Variants in VAT1L observed in about 807,000 individuals in gnomAD.
The protein encoded by VAT1L is putative NADPH-dependent quinone oxidoreductase VAT1L.
In VAT1L, 34 loss-of-function variants were observed where a neutral mutation model predicts 44.1. That is an observed-to-expected ratio of 0.77 (90% CI 0.59 to 1.03). VAT1L has a LOEUF of 1.03. Ranked by LOEUF, VAT1L falls within the 50% of genes least tolerant of loss-of-function variation. VAT1L has a pLI of 0.00. For synonymous variants in VAT1L, 253 were observed against 202.2 expected (o/e 1.25, Z -2.13); for missense variants, 615 against 538.8 (o/e 1.14, Z -1.40).
At chr16:77,917,489 T>A (rs894797750) in intron 7 of VAT1L, among the ~76,000 whole-genome samples, 1 of 152,248 alleles carries the variant, frequency 6.6e-6, no homozygotes, top group Non-Finnish European at 1.5e-5. Flanking sequence ...TCAGTCCCAA[T>A]GATTCCTGTT....
intron 7 of VAT1L, among the ~76,000 whole-genome samples, chr16:77,952,308 C>T (rs1324687752): frequency 1.3e-5 from 2 of 152,160 alleles, no homozygotes; most frequent in Middle Eastern, 3.2e-3. Flanking sequence ...ACCCAAATTT[C>T]ATGGTGAAAT....
At position 77,951,667 on chromosome 16, in the gene VAT1L, G is replaced by A. The variant is rs376418794; in HGVS notation, c.1078-20183G>A. On this transcript the variant is annotated intron_variant, in intron 7 of 8. Transcript: ENST00000302536. ...TGAAATTAAGGAAATTTAAGGAAGC[G>A]ATTACTCTAAAAGTCAGGACTGAGC... 1.9e-4 allele frequency among the ~76,000 whole-genome samples: 29 copies of A among 152,176 alleles called. No homozygotes were observed. The East Asian group carries it at 2.9e-3, about 15-fold the overall frequency.
intron 1 of VAT1L, among the ~76,000 whole-genome samples, chr16:77,809,728 T>C (rs1312904800): frequency 6.6e-6 from 1 of 152,246 alleles, no homozygotes; most frequent in African/African-American, 2.4e-5. Flanking sequence ...AGAGGGTTCA[T>C]AGTCTTTATC....
chr16:77,943,392 T>A (rs188600345), intron 7 of VAT1L, among the ~76,000 whole-genome samples: 3 of 147,826 alleles, frequency 2.0e-5, no homozygotes, highest in Non-Finnish European at 4.5e-5. Context: ...TTTTTTTTTT[T>A]TTTTTGAGAC....
chr16:77,846,836 G>T (rs1014070054), intron 3 of VAT1L, among the ~76,000 whole-genome samples: 2 of 151,946 alleles, frequency 1.3e-5, no homozygotes, highest in Non-Finnish European at 2.9e-5. Flanking sequence ...GATAATCAGG[G>T]TATATAGTGG....
intron 7 of VAT1L, among the ~76,000 whole-genome samples, chr16:77,964,599 C>G (rs1193329664): frequency 6.6e-6 from 1 of 152,042 alleles, no homozygotes; most frequent in East Asian, 1.9e-4. Flanking sequence ...CTACAAAGTC[C>G]CTTTGCCATG....
chr16:77,937,491 A>C (rs12928323), intron 7 of VAT1L, among the ~76,000 whole-genome samples: 94,277 of 152,050 alleles, frequency 0.62, 29,347 homozygotes, highest in Non-Finnish European at 0.66. Context: ...ACTTTCCCCC[A>C]CTACCTCCCT....
At chr16:77,902,939 C>G (rs1282342586) in intron 7 of VAT1L, among the ~76,000 whole-genome samples, 1 of 146,056 alleles carries the variant, frequency 6.8e-6, no homozygotes, top group African/African-American at 2.5e-5. Context: ...AGCCACTGCA[C>G]TCCGGCCTGG....
Position 77,884,930 on chromosome 16 carries a change from A to G in VAT1L, c.1077+128A>G. 3 of 986,540 alleles carry G rather than the reference A, an allele frequency of 3.0e-6. No individual in the cohort carries two copies. In the South Asian group the frequency reaches 6.0e-5, roughly 20 times the overall value. The allele number at this position is 986,540 out of a possible 1,614,324, so 61.1% of individuals were successfully genotyped here. A position where few individuals can be genotyped will look rare whatever the true frequency, so the allele number is the denominator to read the frequency against. The stretch of plus-strand genomic sequence containing the variant: ...GGGTTTGTTTTAAATGAGGGTCCTA[A>G]AAGTCACCTGTACCACAGAATAGTA... On this transcript the variant is annotated intron_variant, in intron 7 of 8. Transcript: ENST00000302536. The surrounding 1 kb of genome is among the most constrained non-coding windows in gnomAD (Gnocchi z 4.5).
At chr16:77,870,807 G>A (rs1189868177) in intron 4 of VAT1L, among the ~76,000 whole-genome samples, 2 of 152,142 alleles carry the variant, frequency 1.3e-5, no homozygotes, top group South Asian at 2.1e-4. Flanking sequence ...CCCAGAAACC[G>A]GAGTCAGGGG....
intron 1 of VAT1L, among the ~76,000 whole-genome samples, chr16:77,806,741 C>T (rs903623165): frequency 6.6e-6 from 1 of 151,896 alleles, no homozygotes; most frequent in African/African-American, 2.4e-5. Context: ...GATATGATAA[C>T]ATATCATAAA....
At chr16:77,835,854 C>T (rs768750445) in intron 3 of VAT1L, among the ~76,000 whole-genome samples, 6 of 150,838 alleles carry the variant, frequency 4.0e-5, no homozygotes, top group Non-Finnish European at 8.8e-5. Flanking sequence ...GCCTGGGCAA[C>T]AAGAGCAAAA....
intron 7 of VAT1L, among the ~76,000 whole-genome samples, chr16:77,966,263 T>C (rs1454763351): frequency 1.3e-5 from 2 of 152,224 alleles, no homozygotes; most frequent in African/African-American, 4.8e-5. Flanking sequence ...GAGGCTGATG[T>C]GTAACTTACA....
rs146347669 is a variant in VAT1L at position 77,912,045 on chromosome 16, A to G, written c.1077+27243A>G. ...CCACAATATAAGGGGTGGGCCCACC[A>G]TACCTCTTCAGTTCCTCTAAGGCAG... On this transcript the variant is annotated intron_variant, in intron 7 of 8. Coordinates refer to ENST00000302536, the MANE Select transcript of VAT1L (RefSeq NM_020927.3). Among the ~76,000 whole-genome samples, 515 of 152,308 alleles carry G rather than the reference A, an allele frequency of 3.4e-3. 4 individuals carry two copies. Among genetic ancestry groups the G allele is most frequent in the African/African-American group, 0.011 (465 of 41,558 alleles).
At chr16:77,804,577 C>T (rs192406009) in intron 1 of VAT1L, among the ~76,000 whole-genome samples, 2 of 152,184 alleles carry the variant, frequency 1.3e-5, no homozygotes, top group African/African-American at 4.8e-5. Flanking sequence ...AGCTATATTA[C>T]CCTCATCATC....
Position 77,976,856 on chromosome 16 carries a change from G to A in VAT1L, c.1162-741G>A, listed in dbSNP as rs147328631. Among the ~76,000 whole-genome samples the A allele has an allele frequency of 1.3e-3, 201 of 152,298 alleles. 1 individual carries two copies. The highest frequency in any genetic ancestry group is 6.8e-3 in the Middle Eastern group (2 of 294). On this transcript the variant is annotated intron_variant, in intron 8 of 8. Transcript: ENST00000302536. ...GTGATTAACAAAAGAAAAGGAGTCAGGCAAAATCCCTGTCTTCCCAGAAAC... is the reference window on the plus strand; with the variant it reads ...GTGATTAACAAAAGAAAAGGAGTCAAGCAAAATCCCTGTCTTCCCAGAAAC...
chr16:77,969,798 C>T (rs366918), intron 7 of VAT1L, among the ~76,000 whole-genome samples: 136,041 of 152,002 alleles, frequency 0.89, 61,091 homozygotes, highest in East Asian at 1. Flanking sequence ...TCCCGGTGGG[C>T]AGTAGCTATA....
chr16:77,899,713 C>T (rs1353121739), intron 7 of VAT1L, among the ~76,000 whole-genome samples: 6 of 152,210 alleles, frequency 3.9e-5, no homozygotes, highest in Non-Finnish European at 8.8e-5. Context: ...GCTCTGTTCC[C>T]ATGACCAGGA....
chr16:77,805,332 A>G (rs2966063), intron 1 of VAT1L, among the ~76,000 whole-genome samples: 80,489 of 149,834 alleles, frequency 0.54, 23,374 homozygotes, highest in South Asian at 0.7. Context: ...AAAAAGAAAA[A>G]AGATTTATGC....
Sources: allele counts gnomAD v4.1 joint callset (sites outside exome capture counted in the v4.1 genomes callset), GRCh38; gene constraint gnomAD v4.1.1; non-coding constraint Gnocchi (gnomAD v3.1); transcripts MANE v1.5; gene names NCBI Gene and HGNC (gene_info 2026-07-23, HGNC 2026-07-21).